Variants in GSG1L observed in about 807,000 individuals in gnomAD.
The protein encoded by GSG1L is GSG1 like.
GSG1L carries 24 observed loss-of-function variants against 42.1 expected under a neutral mutation model. That is an observed-to-expected ratio of 0.57 (90% confidence interval 0.41 to 0.80). GSG1L has a LOEUF of 0.80. Ranked by LOEUF, GSG1L falls within the 30% of genes least tolerant of loss-of-function variation. GSG1L has a pLI of 0.00. For missense variants in GSG1L, 445 were observed against 472.2 expected (o/e 0.94, Z 0.53); for synonymous variants, 215 against 203.5 (o/e 1.06, Z -0.48).
intron 1 of GSG1L, chr16:27,998,425 G>A (rs2085543228): frequency 6.6e-6 from 1 of 152,172 alleles, no homozygotes; most frequent in Non-Finnish European, 1.5e-5. Context: ...TTTGGAGTGG[G>A]TGACATTATT....
chr16:27,993,998 C>T (rs1047780553), intron 1 of GSG1L, among the ~76,000 whole-genome samples: 5 of 152,154 alleles, frequency 3.3e-5, no homozygotes, highest in African/African-American at 4.8e-5. Flanking sequence ...TGCATTCAAC[C>T]GTAAAAACAG....
At chr16:27,888,479 T>TTCC (rs1567505873) in intron 2 of GSG1L, among the ~76,000 whole-genome samples, 10 of 44,388 alleles carry the variant, frequency 2.3e-4, no homozygotes, top group African/African-American at 7.4e-4. Context: ...TCTCTCTCTC[T>TTCC]TTCCTTTCTT....
chr16:27,823,675 C>T (rs1049941342), intron 5 of GSG1L, among the ~76,000 whole-genome samples: 17 of 152,218 alleles, frequency 1.1e-4, no homozygotes, highest in Admixed American at 5.2e-4. Context: ...AACCCACTCA[C>T]GGTCTGTCTC....
At chr16:27,906,128 T>C (rs1266912665) in intron 2 of GSG1L, among the ~76,000 whole-genome samples, 1 of 152,112 alleles carries the variant, frequency 6.6e-6, no homozygotes, top group East Asian at 1.9e-4. Context: ...AAAAAAAGTT[T>C]TTTAAGGAGG....
intron 1 of GSG1L, among the ~76,000 whole-genome samples, chr16:28,061,885 C>T (rs2086345732): frequency 6.6e-6 from 1 of 152,204 alleles, no homozygotes; most frequent in Admixed American, 6.5e-5. Flanking sequence ...GCATTCCAGA[C>T]AGAGGATGCA....
intron 2 of GSG1L, among the ~76,000 whole-genome samples, chr16:27,936,662 G>A (rs1049509186): frequency 2.6e-5 from 4 of 152,134 alleles, no homozygotes; most frequent in Non-Finnish European, 4.4e-5. Flanking sequence ...ACAAACAGAC[G>A]TAGATGCCCA....
In GSG1L at chr16:28,055,135, T is replaced by C. The variant is rs113573215; in HGVS notation, c.349+7941A>G. Among the ~76,000 whole-genome samples the C allele has an allele frequency of 8.7e-4, 132 of 152,268 alleles. 1 individual carries two copies. The highest frequency in any genetic ancestry group is 2.9e-3 in the African/African-American group (121 of 41,548). On this transcript the variant is annotated intron_variant, in intron 1 of 6. Coordinates refer to ENST00000447459, the MANE Select transcript of GSG1L (RefSeq NM_001109763.2). The stretch of plus-strand genomic sequence containing the variant: ...CTCTGAGGGGTGGTGATTTCACCTT[T>C]GCTGCAGCATTATTCTATTTTTATT...
intron 1 of GSG1L, among the ~76,000 whole-genome samples, chr16:27,985,681 T>TAAA (rs536967635): frequency 6.9e-6 from 1 of 145,268 alleles, no homozygotes; most frequent in African/African-American, 2.5e-5. Flanking sequence ...CCATCTCTAC[T>TAAA]AAAAAAAAAA....
intron 3 of GSG1L, among the ~76,000 whole-genome samples, chr16:27,873,215 A>G (rs555312443): frequency 1.3e-5 from 2 of 152,356 alleles, no homozygotes; most frequent in African/African-American, 4.8e-5. Flanking sequence ...TCTAAAATCC[A>G]AATGTTTTTT....
In GSG1L at chr16:27,803,039, C is replaced by T. The variant is rs1178814814; in HGVS notation, c.898+4448G>A. Among the ~76,000 whole-genome samples the T allele has an allele frequency of 2.0e-5, 3 of 151,980 alleles. 1 individual carries two copies. Among genetic ancestry groups the T allele is most frequent in the African/African-American group, 7.3e-5 (3 of 41,332 alleles). On this transcript the variant is annotated intron_variant, in intron 6 of 6. Transcript: ENST00000447459. ...ACGAGCCCCTCAAACTCCACACAGACAAAGCAACATTGCCCTTCACAAACT... is the reference window on the plus strand; with the variant it reads ...ACGAGCCCCTCAAACTCCACACAGATAAAGCAACATTGCCCTTCACAAACT...
intron 6 of GSG1L, among the ~76,000 whole-genome samples, chr16:27,801,017 A>G (rs2082875485): frequency 1.3e-5 from 2 of 152,182 alleles, no homozygotes; most frequent in Admixed American, 1.3e-4. Context: ...TCTCGGAGGA[A>G]GCGGCCTTTC....
rs1230819032 is a variant in GSG1L, at chr16:27,869,371, C to T, written c.550+15115G>A. Among the ~76,000 whole-genome samples the T allele has an allele frequency of 2.6e-5, 4 of 151,524 alleles. 1 individual carries two copies. The highest frequency in any genetic ancestry group is 9.8e-5 in the African/African-American group (4 of 40,854). ...TAGCAGGTGCTCAGTAAATGTCGGCCCATTTGCTGCTGTTTGCTCCCTGTG... is the reference window on the plus strand; with the variant it reads ...TAGCAGGTGCTCAGTAAATGTCGGCTCATTTGCTGCTGTTTGCTCCCTGTG... On this transcript the variant is annotated intron_variant, in intron 3 of 6. Transcript: ENST00000447459.
chr16:27,953,217 G>C (rs890919713), intron 2 of GSG1L, among the ~76,000 whole-genome samples: 8 of 152,196 alleles, frequency 5.3e-5, no homozygotes, highest in African/African-American at 1.9e-4. Context: ...AACCTCACAA[G>C]TAGCTGGGAG....
intron 1 of GSG1L, among the ~76,000 whole-genome samples, chr16:27,986,113 T>A (rs2085378308): frequency 6.6e-6 from 1 of 152,174 alleles, no homozygotes; most frequent in Admixed American, 6.5e-5. Context: ...AAGTCACTGA[T>A]GAGGGCTGCC....
At chr16:27,811,692 A>C (rs1033660337) in intron 5 of GSG1L, among the ~76,000 whole-genome samples, 2 of 152,240 alleles carry the variant, frequency 1.3e-5, no homozygotes, top group Non-Finnish European at 2.9e-5. Flanking sequence ...TCTGTCGCCC[A>C]GGCTGGCATG....
chr16:28,060,069 G>A (rs2086323576), intron 1 of GSG1L, among the ~76,000 whole-genome samples: 2 of 152,030 alleles, frequency 1.3e-5, no homozygotes. Flanking sequence ...GGATCTCCTG[G>A]TTGGTGTTCG....
At chr16:27,862,227 GAC>G (rs1340884984) in intron 3 of GSG1L, among the ~76,000 whole-genome samples, 15 of 152,192 alleles carry the variant, frequency 9.9e-5, no homozygotes, top group Admixed American at 2.0e-4. Context: ...CCCTCTTGAT[GAC>G]TTAATGAAGT....
chr16:27,922,407 TA>T (rs2084535133), intron 2 of GSG1L, among the ~76,000 whole-genome samples: 1 of 152,154 alleles, frequency 6.6e-6, no homozygotes, highest in Non-Finnish European at 1.5e-5. Context: ...TATAACCAAA[TA>T]CATTTTATAT....
At chr16:27,827,695 T>C (rs1417476568) in intron 5 of GSG1L, among the ~76,000 whole-genome samples, 2 of 152,196 alleles carry the variant, frequency 1.3e-5, no homozygotes, top group African/African-American at 4.8e-5. Flanking sequence ...GGAGGAGTTC[T>C]GCCTAAGGAT....
Sources: gnomAD v4.1 joint callset for allele counts (sites outside exome capture counted in the v4.1 genomes callset) on GRCh38, gnomAD v4.1.1 for gene constraint, MANE v1.5 for transcripts, NCBI Gene and HGNC (gene_info 2026-07-23, HGNC 2026-07-21) for gene names.